Variants in TESK2 observed in about 807,000 individuals in gnomAD.
TESK2 encodes the protein dual specificity testis-specific protein kinase 2.
TESK2 carries 39 observed loss-of-function variants against 57.1 expected under a neutral mutation model. The observed-to-expected ratio is 0.68, with a 90% CI of 0.53 to 0.89. The LOEUF (loss-of-function observed/expected upper bound fraction) is 0.89, where lower values mean the gene tolerates loss of function less well. TESK2 is among the 40% of genes least tolerant of loss of function. The pLI, the probability that TESK2 is intolerant of heterozygous loss-of-function variation, is 0.00. For missense variants in TESK2, 646 were observed against 732.1 expected, an observed-to-expected ratio of 0.88 and a Z score of 1.36; for synonymous variants, 249 against 267.9, an observed-to-expected ratio of 0.93 and a Z score of 0.69.
chr1:45,367,857 C>T lies in TESK2; in HGVS notation c.394-12408G>A, dbSNP rs1647999869. Among the ~76,000 whole-genome samples the T allele has an allele frequency of 3.3e-5, 5 of 151,006 alleles. No individual in the cohort carries two copies. The South Asian group carries it at 8.4e-4, about 25-fold the overall frequency. On this transcript the variant is annotated intron_variant, in intron 4 of 10. Coordinates refer to ENST00000372086, the MANE Select transcript of TESK2 (RefSeq NM_007170.3). ...TATTTTTAGTAGAGACGGGGTTTCA[C>T]CATGTTGGCCAGGCTGGTCTCGAAC...
At chr1:45,444,812 T>C (rs1305951997) in intron 2 of TESK2, among the ~76,000 whole-genome samples, 2 of 152,200 alleles carry the variant, frequency 1.3e-5, no homozygotes, top group Admixed American at 6.5e-5. Flanking sequence ...AAGCTAACTA[T>C]GGGAGGAATT....
chr1:45,421,673 G>A (rs1235034036), intron 3 of TESK2, 52 bp downstream of exon 3: 2 of 1,609,000 alleles, frequency 1.2e-6, no homozygotes, highest in African/African-American at 1.3e-5. Flanking sequence ...ATTCTAGCAA[G>A]CCTCCAATGT....
intron 3 of TESK2, among the ~76,000 whole-genome samples, chr1:45,394,909 C>T (rs1362379865): frequency 6.6e-6 from 1 of 151,498 alleles, no homozygotes; most frequent in Non-Finnish European, 1.5e-5. Context: ...AGGCTGGTCT[C>T]GAACTCCTGA....
At chr1:45,481,821 T>C (rs936300614) in intron 1 of TESK2, among the ~76,000 whole-genome samples, 2 of 152,216 alleles carry the variant, frequency 1.3e-5, no homozygotes, top group African/African-American at 4.8e-5. Context: ...AAATCTATTA[T>C]AAAAAGTTAA....
At chr1:45,391,449 G>A (rs1570681577) in intron 3 of TESK2, among the ~76,000 whole-genome samples, 1 of 152,000 alleles carries the variant, frequency 6.6e-6, no homozygotes, top group East Asian at 1.9e-4. Context: ...AACTGTTTGT[G>A]TCAAGCAATC....
chr1:45,406,469 G>A (rs753250201), intron 3 of TESK2, among the ~76,000 whole-genome samples: 4 of 151,972 alleles, frequency 2.6e-5, no homozygotes, highest in Admixed American at 6.6e-5. Flanking sequence ...AACATAGAGA[G>A]ACCTTGTCTC....
chr1:45,430,862 G>A (rs771936592), intron 2 of TESK2, among the ~76,000 whole-genome samples: 11 of 152,108 alleles, frequency 7.2e-5, no homozygotes, highest in African/African-American at 2.2e-4. Flanking sequence ...TAGAGGTTGC[G>A]TTATATTTGT....
rs59019267 is a variant in TESK2 at position 45,357,196 on chromosome 1, CATAAATAAATAAATAA to C, written c.394-1763_394-1748del. Among the ~76,000 whole-genome samples the C allele has an allele frequency of 8.4e-3, 1,188 of 141,134 alleles. 13 individuals carry two copies. Among genetic ancestry groups the C allele is most frequent in the Non-Finnish European group, 0.012 (754 of 65,342 alleles). 92.6% of individuals were successfully genotyped at this position (141,134 alleles called of 152,430 possible). A position where few individuals can be genotyped will look rare whatever the true frequency, so the allele number is the denominator to read the frequency against. On this transcript the variant is annotated intron_variant, in intron 4 of 10. Transcript: ENST00000372086. ...GGGCAACAAGAGCTAAACTCCATCTCATAAATAAATAAATAAATAAATAAATAAATAAATAAATAAA... is the reference window on the plus strand; with the variant it reads ...GGGCAACAAGAGCTAAACTCCATCTCATAAATAAATAAATAAATAAATAAA...
chr1:45,353,050 C>T (rs757249715), intron 5 of TESK2, among the ~76,000 whole-genome samples: 4 of 152,196 alleles, frequency 2.6e-5, no homozygotes, highest in Admixed American at 2.0e-4. Flanking sequence ...AGGCACCTGC[C>T]ATCATGCCCG....
chr1:45,352,416 AT>A (rs1647255098), intron 5 of TESK2, among the ~76,000 whole-genome samples: 1 of 152,228 alleles, frequency 6.6e-6, no homozygotes, highest in African/African-American at 2.4e-5. Flanking sequence ...CAAAAAGGTT[AT>A]TTTTATAATA....
At chr1:45,476,276 G>C (rs1652986419) in intron 1 of TESK2, among the ~76,000 whole-genome samples, 1 of 152,088 alleles carries the variant, frequency 6.6e-6, no homozygotes, top group Admixed American at 6.6e-5. Flanking sequence ...GGAGGCCCGA[G>C]GCAGGTGGAT....
chr1:45,457,495 C>CA, intron 2 of TESK2, 69 bp downstream of exon 2: 1 of 1,438,856 alleles, frequency 6.9e-7, no homozygotes, highest in East Asian at 2.3e-5. Flanking sequence ...CCTAATTAAA[C>CA]ACAACTATCA....
chr1:45,406,544 G>A (rs955394504), intron 3 of TESK2, among the ~76,000 whole-genome samples: 2 of 152,058 alleles, frequency 1.3e-5, no homozygotes, highest in Admixed American at 6.6e-5. Flanking sequence ...AGTACCAGCT[G>A]TTGTGAAGGC....
rs532519055 is a variant in TESK2, at chr1:45,436,857, G to A, written c.223-15011C>T. ...CTGTCACCCAGGCTGGAGTGCAGTGGCACAATCTCGGCTCACTGCAACCTC... is the reference window on the plus strand; with the variant it reads ...CTGTCACCCAGGCTGGAGTGCAGTGACACAATCTCGGCTCACTGCAACCTC... On this transcript the variant is annotated intron_variant, in intron 2 of 10. Transcript: ENST00000372086. Among the ~76,000 whole-genome samples, 313 of 150,902 alleles carry A rather than the reference G, an allele frequency of 2.1e-3. 2 individuals are homozygous for A. Among genetic ancestry groups the A allele is most frequent in the African/African-American group, 6.6e-3 (273 of 41,058 alleles).
chr1:45,348,063 T>A (rs1647171605), intron 5 of TESK2, 63 bp from the exon 6 acceptor site: 11 of 1,099,638 alleles, frequency 1.0e-5, no homozygotes, highest in Non-Finnish European at 1.5e-5. Context: ...GCCATAGAGT[T>A]ACCACCCATT....
At chr1:45,440,206 C>T (rs1199775348) in intron 2 of TESK2, among the ~76,000 whole-genome samples, 3 of 152,046 alleles carry the variant, frequency 2.0e-5, no homozygotes, top group Non-Finnish European at 4.4e-5. Context: ...TCCGCCTCTG[C>T]CTCCCAAAGT....
intron 1 of TESK2, among the ~76,000 whole-genome samples, chr1:45,473,181 C>A (rs992630962): frequency 6.7e-6 from 1 of 148,924 alleles, no homozygotes; most frequent in African/African-American, 2.5e-5. Context: ...CTAGCACTTA[C>A]TAAAAAATTT....
intron 2 of TESK2, among the ~76,000 whole-genome samples, chr1:45,431,437 C>T (rs1650962470): frequency 6.6e-6 from 1 of 151,810 alleles, no homozygotes; most frequent in Non-Finnish European, 1.5e-5. Flanking sequence ...AAAAAAGATG[C>T]AAGTGGAAAT....
intron 2 of TESK2, among the ~76,000 whole-genome samples, chr1:45,422,271 T>C (rs1650506801): frequency 6.6e-6 from 1 of 152,112 alleles, no homozygotes; most frequent in Admixed American, 6.6e-5. Context: ...CACCAGGGCC[T>C]GTTAGCGGGT....
Sources: gnomAD v4.1 joint callset for allele counts (sites outside exome capture counted in the v4.1 genomes callset) on GRCh38, gnomAD v4.1.1 for gene constraint, MANE v1.5 for transcripts, NCBI Gene and HGNC (gene_info 2026-07-23, HGNC 2026-07-21) for gene names.